The following SLC2A13 variants were observed in gnomAD, a reference collection of about 807,000 sequenced individuals.
SLC2A13 encodes the protein solute carrier family 2 member 13.
Under a neutral mutation model 64.4 loss-of-function variants are expected in SLC2A13, and 32 were observed. The observed-to-expected ratio is 0.50, with a 90% CI of 0.37 to 0.67. The LOEUF is 0.67. Ranked by LOEUF, SLC2A13 falls within the 30% of genes least tolerant of loss-of-function variation. SLC2A13 has a pLI of 0.00. For missense variants in SLC2A13, 743 were observed against 829.2 expected (o/e 0.90, Z 1.28); for synonymous variants, 338 against 327.1 (o/e 1.03, Z -0.36).
At chr12:39,984,649 T>A (rs922358129) in intron 3 of SLC2A13, among the ~76,000 whole-genome samples, 2 of 152,028 alleles carry the variant, frequency 1.3e-5, no homozygotes, top group Non-Finnish European at 2.9e-5. Flanking sequence ...AACTGCTTTT[T>A]AAAAAAAATC....
chr12:39,767,302 C>CTTTT (rs112470893), intron 7 of SLC2A13, among the ~76,000 whole-genome samples: 1 of 147,366 alleles, frequency 6.8e-6, no homozygotes, highest in Non-Finnish European at 1.5e-5. Context: ...TGAAAGGAAT[C>CTTTT]TTTTTTTTCT....
intron 2 of SLC2A13, among the ~76,000 whole-genome samples, chr12:40,042,685 T>G (rs1948108396): frequency 1.3e-5 from 2 of 152,124 alleles, no homozygotes; most frequent in Admixed American, 1.3e-4. Context: ...ACTGAATATT[T>G]ACTATGTTCT....
intron 7 of SLC2A13, among the ~76,000 whole-genome samples, chr12:39,794,368 T>C (rs1941506270): frequency 6.6e-6 from 1 of 152,210 alleles, no homozygotes; most frequent in Non-Finnish European, 1.5e-5. Context: ...GGGCATAGAA[T>C]TATAAATTGG....
intron 1 of SLC2A13, among the ~76,000 whole-genome samples, chr12:40,098,580 T>C (rs1196239953): frequency 1.3e-5 from 2 of 152,146 alleles, no homozygotes; most frequent in Non-Finnish European, 2.9e-5. Context: ...ATTATGCTAG[T>C]TTCAGGGAGG....
intron 3 of SLC2A13, among the ~76,000 whole-genome samples, chr12:39,992,771 A>C (rs1297294607): frequency 3.3e-5 from 5 of 152,168 alleles, no homozygotes; most frequent in Admixed American, 3.3e-4. Flanking sequence ...AGAAAGATTA[A>C]ATGGCAATGA....
At chr12:40,039,731 C>A (rs539567139) in intron 2 of SLC2A13, among the ~76,000 whole-genome samples, 1 of 152,254 alleles carries the variant, frequency 6.6e-6, no homozygotes, top group African/African-American at 2.4e-5. Flanking sequence ...ACTTCCTGCC[C>A]ACGTATGCAT....
chr12:39,821,747 T>C (rs989598736), intron 7 of SLC2A13, among the ~76,000 whole-genome samples: 2 of 152,220 alleles, frequency 1.3e-5, no homozygotes, highest in African/African-American at 4.8e-5. Flanking sequence ...AGGGATTGGT[T>C]CCACTCTAAT....
chr12:40,044,147 T>C (rs1361042831), intron 2 of SLC2A13, among the ~76,000 whole-genome samples: 1 of 152,150 alleles, frequency 6.6e-6, no homozygotes, highest in African/African-American at 2.4e-5. Context: ...TTATTTGCTA[T>C]AAAAAGAAAT....
At chr12:39,786,545 T>C (rs764875154) in intron 7 of SLC2A13, among the ~76,000 whole-genome samples, 37 of 152,152 alleles carry the variant, frequency 2.4e-4, no homozygotes, top group Non-Finnish European at 3.7e-4. Context: ...GGTTTCAAGG[T>C]ATCTGGAGTG....
chr12:39,815,947 TTC>T (rs1412883934), intron 7 of SLC2A13, among the ~76,000 whole-genome samples: 2 of 152,296 alleles, frequency 1.3e-5, no homozygotes, highest in Admixed American at 1.3e-4. Context: ...CTGAAATATT[TTC>T]TGTTCTGAGT....
Position 39,755,086 on chromosome 12 carries a change from CT to C in SLC2A13, c.*4939del, listed in dbSNP as rs915988832. 1.3e-5 allele frequency: 2 copies of C among 151,794 alleles called. No homozygotes were observed. Among genetic ancestry groups the C allele is most frequent in the Admixed American group, 6.6e-5 (1 of 15,218 alleles). 9.4% of individuals were successfully genotyped at this position (151,794 alleles called of 1,614,324 possible). ...TTCATTTACAGTTCTGGCACTGACA[CT>C]TTTTTTAAAAAAAGATTTTAATTTT... is the stretch of plus-strand genomic sequence containing the variant. On this transcript the variant is annotated 3_prime_UTR_variant, in exon 10 of 10. Transcript: ENST00000280871.
intron 3 of SLC2A13, among the ~76,000 whole-genome samples, chr12:39,970,902 C>A (rs1237222513): frequency 6.6e-6 from 1 of 152,030 alleles, no homozygotes; most frequent in African/African-American, 2.4e-5. Flanking sequence ...GACCTTTTTT[C>A]CCCCTTGTGA....
At chr12:40,065,183 T>G (rs1176285287) in intron 1 of SLC2A13, among the ~76,000 whole-genome samples, 1 of 152,132 alleles carries the variant, frequency 6.6e-6, no homozygotes, top group Non-Finnish European at 1.5e-5. Flanking sequence ...AATATCGACA[T>G]GAAAATAAAT....
intron 4 of SLC2A13, among the ~76,000 whole-genome samples, chr12:39,880,118 T>G (rs965444262): frequency 1.3e-5 from 2 of 152,204 alleles, no homozygotes; most frequent in African/African-American, 4.8e-5. Context: ...CTTCCATGAT[T>G]GTAAGATTCC....
chr12:40,072,190 C>T (rs1054747737), intron 1 of SLC2A13, among the ~76,000 whole-genome samples: 14 of 152,092 alleles, frequency 9.2e-5, no homozygotes, highest in African/African-American at 3.1e-4. Context: ...GTTTAACCTG[C>T]AAGCATTTTG....
intron 4 of SLC2A13, among the ~76,000 whole-genome samples, chr12:39,924,713 G>A (rs565957602): frequency 6.6e-6 from 1 of 151,962 alleles, no homozygotes; most frequent in Admixed American, 6.6e-5. Context: ...GATAAGACTA[G>A]CTTATTTAAA....
chr12:39,980,220 T>C (rs1946862793), intron 3 of SLC2A13, among the ~76,000 whole-genome samples: 1 of 152,036 alleles, frequency 6.6e-6, no homozygotes, highest in Non-Finnish European at 1.5e-5. Flanking sequence ...TGCAAAATCA[T>C]GCCAAAATGT....
chr12:39,901,151 A>G (rs1315385070), intron 4 of SLC2A13, among the ~76,000 whole-genome samples: 1 of 152,200 alleles, frequency 6.6e-6, no homozygotes, highest in Non-Finnish European at 1.5e-5. Flanking sequence ...GAAAGCTGAA[A>G]CTGGATCCCT....
chr12:39,913,623 T>C (rs1411192761), intron 4 of SLC2A13, among the ~76,000 whole-genome samples: 3 of 151,824 alleles, frequency 2.0e-5, no homozygotes, highest in Admixed American at 6.6e-5. Flanking sequence ...AGTAGCAATT[T>C]AAATAGTACA....
Sources: gnomAD v4.1 joint callset for allele counts (sites outside exome capture counted in the v4.1 genomes callset) on GRCh38, gnomAD v4.1.1 for gene constraint, MANE v1.5 for transcripts, NCBI Gene and HGNC (gene_info 2026-07-23, HGNC 2026-07-21) for gene names.